The following ZNF488 variants were observed in gnomAD, a reference collection of about 807,000 sequenced individuals.
ZNF488 encodes zinc finger protein 488.
A neutral mutation model predicts 1.2 loss-of-function variants in ZNF488; 1 was observed. The ratio of observed to expected loss-of-function variants is 0.86; its 90% CI spans 0.30 to 4.07. The LOEUF is 4.07. ZNF488 is among the 30% of genes most tolerant of loss of function. The pLI is 0.18. For synonymous variants in ZNF488, 185 were observed against 190.1 expected (o/e 0.97, Z 0.22); for missense variants, 450 against 437.9 (o/e 1.03, Z -0.25).
At chr10:47,381,157 C>T (rs1837933290) in intron 1 of ZNF488, among the ~76,000 whole-genome samples, 1 of 151,964 alleles carries the variant, frequency 6.6e-6, no homozygotes, top group African/African-American at 2.4e-5. Flanking sequence ...CTCCCTAACC[C>T]AAGCCAACTG....
In ZNF488 at chr10:47,368,393, T is replaced by C. The variant is rs140082282; in HGVS notation, c.437A>G (p.Lys146Arg). The C allele has an allele frequency of 4.3e-6, 7 of 1,614,150 alleles. No individual in the cohort carries two copies. Among genetic ancestry groups the C allele is most frequent in the Non-Finnish European group, 5.1e-6 (6 of 1,180,026 alleles). Residue 146 changes from lysine to arginine, a missense_variant, in exon 2 of 2, where the codon AAA becomes AGA. Transcript: ENST00000585316. ...TCCGCTGGGCCACACAGAGAAGACT[T>C]TGCTGCCAGCTGGGCCTCTGGGGAT... ...QNIPRGPAGS[K>R]VFSVWPSGAR...
intron 1 of ZNF488, among the ~76,000 whole-genome samples, chr10:47,382,960 ATT>A (rs1448034274): frequency 2.0e-5 from 3 of 152,252 alleles, no homozygotes; most frequent in African/African-American, 7.2e-5. Flanking sequence ...TATATTATGT[ATT>A]TGTGTGTGTT....
intron 1 of ZNF488, among the ~76,000 whole-genome samples, chr10:47,373,456 G>A (rs943237996): frequency 2.0e-5 from 3 of 152,140 alleles, no homozygotes; most frequent in South Asian, 2.1e-4. Flanking sequence ...TCACCTCCAC[G>A]CATTTATTAT....
At chr10:47,369,199 G>T (rs1361333295) in intron 1 of ZNF488, among the ~76,000 whole-genome samples, 7 of 152,356 alleles carry the variant, frequency 4.6e-5, no homozygotes, top group Non-Finnish European at 8.8e-5. Flanking sequence ...TCAGTAGAGA[G>T]AAACGTAGGA....
chr10:47,372,434 C>G (rs1338317373), intron 1 of ZNF488, among the ~76,000 whole-genome samples: 1 of 151,782 alleles, frequency 6.6e-6, no homozygotes, highest in African/African-American at 2.4e-5. Context: ...CCACCCACCC[C>G]TTCTATGCAC....
chr10:47,379,074 T>C (rs1837804089), intron 1 of ZNF488, among the ~76,000 whole-genome samples: 1 of 152,220 alleles, frequency 6.6e-6, no homozygotes, highest in South Asian at 2.1e-4. Context: ...CCTACTCATG[T>C]ATGACTAATT....
chr10:47,377,600 TCACACACACACACACACACACA>T, intron 1 of ZNF488, among the ~76,000 whole-genome samples: 1 of 114,770 alleles, frequency 8.7e-6, no homozygotes, highest in South Asian at 3.2e-4. Flanking sequence ...AATAACAATC[TCACACACACACACACACACACA>T]CACACACACA....
chr10:47,377,682 C>G, intron 1 of ZNF488, among the ~76,000 whole-genome samples: 1 of 67,116 alleles, frequency 1.5e-5, no homozygotes, highest in South Asian at 7.2e-4. Context: ...CACACACACA[C>G]ACACACACAC....
At chr10:47,370,657 T>C (rs1837431834) in intron 1 of ZNF488, among the ~76,000 whole-genome samples, 1 of 152,162 alleles carries the variant, frequency 6.6e-6, no homozygotes, top group South Asian at 2.1e-4. Flanking sequence ...AGCAAGTAAA[T>C]GCGTAACTCC....
chr10:47,381,396 G>C (rs557961751), intron 1 of ZNF488, among the ~76,000 whole-genome samples: 7 of 152,408 alleles, frequency 4.6e-5, no homozygotes, highest in South Asian at 2.1e-4. Context: ...AATCATCTAC[G>C]GGCCTTTTCT....
intron 1 of ZNF488, 101 bp downstream of exon 1, chr10:47,384,119 A>G (rs1331108504): frequency 6.6e-6 from 1 of 152,560 alleles, no homozygotes; most frequent in East Asian, 1.9e-4. Flanking sequence ...GCAGGACTCA[A>G]CAACCCTGTC....
At chr10:47,372,389 T>C (rs2132287009) in intron 1 of ZNF488, among the ~76,000 whole-genome samples, 1 of 152,316 alleles carries the variant, frequency 6.6e-6, no homozygotes, top group South Asian at 2.1e-4. Context: ...GAGCCGGTGA[T>C]GCTCAGGGGA....
At chr10:47,375,349 C>T (rs782541017) in intron 1 of ZNF488, among the ~76,000 whole-genome samples, 1 of 151,956 alleles carries the variant, frequency 6.6e-6, no homozygotes, top group Non-Finnish European at 1.5e-5. Context: ...CCTGCCGGTG[C>T]GGGGGCTTGC....
chr10:47,370,424 C>T (rs1357432115), intron 1 of ZNF488, among the ~76,000 whole-genome samples: 1 of 152,234 alleles, frequency 6.6e-6, no homozygotes, highest in Non-Finnish European at 1.5e-5. Flanking sequence ...AGCCCACCAG[C>T]CTGTATTCTG....
Position 47,368,012 on chromosome 10 carries a change from G to A in ZNF488, c.818C>T (p.Thr273Ile). ...PPTLTSLGLS[T>I]QNWCAKCNLS... The stretch of plus-strand genomic sequence containing the variant: ...GTTGCACTTTGCACACCAGTTCTGG[G>A]TGGACAAGCCCAGGGAGGTGAGGGT... The change falls in exon 2 of 2, where the codon ACC (threonine) becomes ATC (isoleucine). Residue 273 changes from threonine to isoleucine, a missense_variant. By Grantham distance (89) the Thr-to-Ile change is moderately conservative. Transcript: ENST00000585316. 6 of 1,614,160 alleles carry A rather than the reference G, an allele frequency of 3.7e-6. No individual in the cohort carries two copies. The highest frequency in any genetic ancestry group is 3.4e-6 in the Non-Finnish European group (4 of 1,180,026).
Position 47,368,532 on chromosome 10 carries a change from T to A in ZNF488, c.298A>T (p.Ser100Cys). Residue 100 changes from serine to cysteine, a missense_variant, in exon 2 of 2, where the codon AGC (serine) becomes TGC (cysteine). Ser to Cys is a moderately radical substitution (Grantham distance 112, BLOSUM62 -1). Coordinates refer to ENST00000585316, the MANE Select transcript of ZNF488 (RefSeq NM_153034.4). ...ATCCTCGGCAGCTCCGTGAAGGCGC[T>A]CTGCCTCTGCTCTCCACGTGTCTTC... ...PPKTRGEQRQSAFTELPRMKD... is the reference protein window; with the variant it reads ...PPKTRGEQRQCAFTELPRMKD... 6.2e-7 allele frequency: 1 copy of A among 1,613,600 alleles called. No homozygotes were observed. Among genetic ancestry groups the A allele is most frequent in the East Asian group, 2.2e-5 (1 of 44,872 alleles).
In ZNF488 at chr10:47,367,962, G is replaced by GGTC; in HGVS notation, c.865_867dup (p.Asp289dup). 1 of 1,614,142 alleles carries GGTC rather than the reference G, an allele frequency of 6.2e-7. No individual in the cohort carries two copies. Among genetic ancestry groups the GGTC allele is most frequent in the Admixed American group, 1.7e-5 (1 of 60,030 alleles). ...TGGTGGGATCGCATGTGAAAGACCA[G>GGTC]GTCGGACGTTAGGCGAAAGGACAGG... On this transcript the variant is annotated inframe_insertion, in exon 2 of 2. Transcript: ENST00000585316.
intron 1 of ZNF488, among the ~76,000 whole-genome samples, chr10:47,378,506 T>TCTAGGAGTG (rs1555214702): frequency 1.3e-5 from 2 of 152,144 alleles, no homozygotes; most frequent in African/African-American, 4.8e-5. Flanking sequence ...TCAGGGAGAA[T>TCTAGGAGTG]CTAGGAGTGG....
chr10:47,380,303 T>C (rs900335408), intron 1 of ZNF488, among the ~76,000 whole-genome samples: 1 of 150,984 alleles, frequency 6.6e-6, no homozygotes, highest in Non-Finnish European at 1.5e-5. Context: ...CCCATGTCTT[T>C]CCTACTTGAA....
Sources: allele counts gnomAD v4.1 joint callset (sites outside exome capture counted in the v4.1 genomes callset), GRCh38; gene constraint gnomAD v4.1.1; transcripts MANE v1.5; gene names NCBI Gene and HGNC (gene_info 2026-07-23, HGNC 2026-07-21).